Variants in TBC1D22A observed in about 807,000 individuals in gnomAD.
The protein encoded by TBC1D22A is putative GTPase activator.
Under a neutral mutation model 60.2 loss-of-function variants are expected in TBC1D22A, and 38 were observed. The ratio of observed to expected loss-of-function variants is 0.63; its 90% confidence interval spans 0.49 to 0.83. The LOEUF is 0.83. Ranked by LOEUF, TBC1D22A falls within the 40% of genes least tolerant of loss-of-function variation. The probability of loss-of-function intolerance (pLI) is 0.00; values close to 1 mark genes in which losing one functional copy is unlikely to be tolerated. For synonymous variants in TBC1D22A, 302 were observed against 281.7 expected, an observed-to-expected ratio of 1.07 and a Z score of -0.72; for missense variants, 628 against 701.0, an observed-to-expected ratio of 0.90 and a Z score of 1.18.
intron 12 of TBC1D22A, among the ~76,000 whole-genome samples, chr22:47,135,894 G>A (rs1477386013): frequency 6.6e-6 from 1 of 152,072 alleles, no homozygotes; most frequent in Non-Finnish European, 1.5e-5. Context: ...TTCGCCCAGC[G>A]CTTGTTCACT....
intron 8 of TBC1D22A, among the ~76,000 whole-genome samples, chr22:46,966,313 G>T (rs933247118): frequency 6.6e-6 from 1 of 152,114 alleles, no homozygotes. Context: ...ACACAGCACG[G>T]CTGTGTGAGC....
chr22:46,981,946 T>C (rs1294004311), intron 9 of TBC1D22A, among the ~76,000 whole-genome samples: 1 of 152,210 alleles, frequency 6.6e-6, no homozygotes, highest in East Asian at 1.9e-4. Flanking sequence ...TCTGTAAGAA[T>C]GGCAATACCA....
At chr22:46,923,287 C>CT (rs775450942) in intron 8 of TBC1D22A, among the ~76,000 whole-genome samples, 7 of 152,254 alleles carry the variant, frequency 4.6e-5, no homozygotes, top group Non-Finnish European at 8.8e-5. Flanking sequence ...CACAGCCACA[C>CT]TGGGAGGGCT....
chr22:47,136,392 C>T (rs753258285), intron 12 of TBC1D22A, among the ~76,000 whole-genome samples: 2 of 152,240 alleles, frequency 1.3e-5, no homozygotes, highest in Admixed American at 1.3e-4. Flanking sequence ...GTCTCTCCTA[C>T]AGCACCCAGC....
Position 47,173,756 on chromosome 22 carries a change from G to T in TBC1D22A, c.*130G>T. 1 of 1,422,546 alleles carries T rather than the reference G, an allele frequency of 7.0e-7. No homozygotes were observed. Among genetic ancestry groups the T allele is most frequent in the Non-Finnish European group, 9.6e-7 (1 of 1,044,402 alleles). 88.1% of individuals were successfully genotyped at this position (1,422,546 alleles called of 1,614,324 possible). The stretch of plus-strand genomic sequence containing the variant: ...TGTGAGGTGGCCCCACCCTCCAGGG[G>T]AGCTGGTGAAGATGGGCCACAGACC... On this transcript the variant is annotated 3_prime_UTR_variant, in exon 13 of 13. Coordinates refer to ENST00000337137, the MANE Select transcript of TBC1D22A (RefSeq NM_014346.5).
intron 8 of TBC1D22A, among the ~76,000 whole-genome samples, chr22:46,971,689 C>T (rs577699475): frequency 6.6e-6 from 1 of 152,346 alleles, no homozygotes; most frequent in Admixed American, 6.5e-5. Context: ...TGCTCACTCC[C>T]ACCATTGCCT....
chr22:46,923,729 G>C (rs990137776), intron 8 of TBC1D22A, among the ~76,000 whole-genome samples: 1 of 152,242 alleles, frequency 6.6e-6, no homozygotes, highest in African/African-American at 2.4e-5. Flanking sequence ...TCTATGCATT[G>C]TATTTACATA....
intron 12 of TBC1D22A, among the ~76,000 whole-genome samples, chr22:47,123,796 C>A (rs2066357566): frequency 6.6e-6 from 1 of 152,108 alleles, no homozygotes; most frequent in South Asian, 2.1e-4. Context: ...TGAATTGTGC[C>A]TTTGTGTGCG....
chr22:46,944,552 C>G (rs530961401), intron 8 of TBC1D22A, among the ~76,000 whole-genome samples: 2 of 152,170 alleles, frequency 1.3e-5, no homozygotes, highest in African/African-American at 4.8e-5. Flanking sequence ...GCGCCCGCCA[C>G]CATGCCCGGC....
chr22:46,805,891 C>T (rs139266593), intron 4 of TBC1D22A, among the ~76,000 whole-genome samples: 172 of 147,510 alleles, frequency 1.2e-3, no homozygotes, highest in Middle Eastern at 3.6e-3. Context: ...CTTGCTCTTT[C>T]GCCCAGACTG....
At chr22:46,858,333 T>A (rs147349817) in intron 4 of TBC1D22A, among the ~76,000 whole-genome samples, 512 of 152,368 alleles carry the variant, frequency 3.4e-3, no homozygotes, top group African/African-American at 0.012. Flanking sequence ...ATCTTTTTGT[T>A]ATTGATATCC....
At chr22:47,104,166 TGTG>T (rs1212030363) in intron 11 of TBC1D22A, among the ~76,000 whole-genome samples, 2 of 151,326 alleles carry the variant, frequency 1.3e-5, no homozygotes, top group African/African-American at 2.4e-5. Flanking sequence ...ATTAGCTAGG[TGTG>T]GTGGTGTGTG....
chr22:47,147,546 A>G (rs770955455), intron 12 of TBC1D22A, among the ~76,000 whole-genome samples: 1 of 152,210 alleles, frequency 6.6e-6, no homozygotes, highest in Non-Finnish European at 1.5e-5. Flanking sequence ...GGGGTCACAC[A>G]TAGTGCCCTC....
intron 11 of TBC1D22A, among the ~76,000 whole-genome samples, chr22:47,104,962 T>G (rs2065576967): frequency 6.6e-6 from 1 of 151,898 alleles, no homozygotes; most frequent in African/African-American, 2.4e-5. Flanking sequence ...AACCAGTGTA[T>G]TTCTTAAATG....
Position 46,990,486 on chromosome 22 carries a change from G to A in TBC1D22A, c.1126-7148G>A, listed in dbSNP as rs905208703. 2.0e-5 allele frequency among the ~76,000 whole-genome samples: 3 copies of A among 152,024 alleles called. No homozygotes were observed. The highest frequency in any genetic ancestry group is 2.0e-4 in the Admixed American group (3 of 15,272). On this transcript the variant is annotated intron_variant, in intron 9 of 12. Transcript: ENST00000337137. The surrounding 1 kb of genome is among the most constrained non-coding windows in gnomAD (Gnocchi z 4.6). ...TCACTGACTTCAGTGTGGCATATGTGTTACAATTGAGGAGCCAATATCGAT... is the reference window on the plus strand; with the variant it reads ...TCACTGACTTCAGTGTGGCATATGTATTACAATTGAGGAGCCAATATCGAT...
At chr22:47,042,592 G>A (rs567502153) in intron 11 of TBC1D22A, among the ~76,000 whole-genome samples, 6 of 152,340 alleles carry the variant, frequency 3.9e-5, no homozygotes, top group African/African-American at 1.2e-4. Context: ...CTGAGATACA[G>A]CCCCACATTC....
chr22:46,855,433 G>A (rs934191863), intron 4 of TBC1D22A, among the ~76,000 whole-genome samples: 3 of 152,202 alleles, frequency 2.0e-5, no homozygotes, highest in Non-Finnish European at 4.4e-5. Flanking sequence ...TTAGGAACAC[G>A]GGGATGTGGG....
At chr22:46,978,887 G>A (rs2074406603) in intron 9 of TBC1D22A, among the ~76,000 whole-genome samples, 1 of 152,186 alleles carries the variant, frequency 6.6e-6, no homozygotes, top group Non-Finnish European at 1.5e-5. Context: ...GCGATTACAG[G>A]TATGAGCCAC....
chr22:46,775,429 C>G (rs1763670282), intron 1 of TBC1D22A, among the ~76,000 whole-genome samples: 1 of 152,040 alleles, frequency 6.6e-6, no homozygotes, highest in Non-Finnish European at 1.5e-5. Context: ...TTCCTGCTCA[C>G]GTCTGGGGCC....
Sources: allele counts gnomAD v4.1 joint callset (sites outside exome capture counted in the v4.1 genomes callset), GRCh38; gene constraint gnomAD v4.1.1; non-coding constraint Gnocchi (gnomAD v3.1); transcripts MANE v1.5; gene names NCBI Gene and HGNC (gene_info 2026-07-23, HGNC 2026-07-21).